The following KLF12 variants were observed in gnomAD, a reference collection of about 807,000 sequenced individuals.
KLF12 encodes Krueppel-like factor 12.
KLF12 carries 9 observed loss-of-function variants against 37.8 expected under a neutral mutation model. The ratio of observed to expected loss-of-function variants is 0.24; its 90% CI spans 0.14 to 0.42. KLF12 has a LOEUF of 0.42. Among genes scored for constraint, KLF12 ranks in the 10% least tolerant of loss-of-function variants. The pLI, the probability that KLF12 is intolerant of heterozygous loss-of-function variation, is 1.00. For missense variants in KLF12, 411 were observed against 516.0 expected (o/e 0.80, Z 1.97); for synonymous variants, 208 against 202.1 (o/e 1.03, Z -0.25).
At chr13:73,964,682 T>C (rs2875669) in intron 2 of KLF12, among the ~76,000 whole-genome samples, 127,920 of 151,172 alleles carry the variant, frequency 0.85, 54,533 homozygotes, top group Middle Eastern at 0.91. Context: ...CCCCAATTCT[T>C]TCAAAAAGGT....
At chr13:74,069,296 T>G (rs958680428) in intron 1 of KLF12, among the ~76,000 whole-genome samples, 2 of 152,170 alleles carry the variant, frequency 1.3e-5, no homozygotes, top group African/African-American at 4.8e-5. Context: ...GACTTGACTA[T>G]GCACCGATCC....
intron 5 of KLF12, among the ~76,000 whole-genome samples, chr13:73,766,029 GTCTTTCCCT>G (rs1475168500): frequency 1.2e-4 from 18 of 152,230 alleles, no homozygotes; most frequent in African/African-American, 4.3e-4. Context: ...GCCAACTGCA[GTCTTTCCCT>G]AAACCCAGAG....
chr13:73,825,017 T>C (rs1883757461), intron 4 of KLF12, among the ~76,000 whole-genome samples: 1 of 151,672 alleles, frequency 6.6e-6, no homozygotes, highest in Admixed American at 6.6e-5. Flanking sequence ...TGCAGTGCGC[T>C]GAGATTGCAC....
chr13:74,123,487 C>T (rs1219220162), intron 1 of KLF12, among the ~76,000 whole-genome samples: 1 of 152,212 alleles, frequency 6.6e-6, no homozygotes, highest in African/African-American at 2.4e-5. Flanking sequence ...CATTGTAGGA[C>T]AAAGCCCATG....
chr13:73,818,348 T>C (rs900726346), intron 4 of KLF12, among the ~76,000 whole-genome samples: 2 of 152,206 alleles, frequency 1.3e-5, no homozygotes, highest in Admixed American at 6.5e-5. Context: ...TGAGACTTGA[T>C]AGGATGCTCA....
chr13:74,128,625 G>A (rs748491268), intron 1 of KLF12, among the ~76,000 whole-genome samples: 41 of 152,306 alleles, frequency 2.7e-4, no homozygotes, highest in Admixed American at 1.3e-3. Flanking sequence ...GTGATTCAAG[G>A]ATGTATCATC....
At chr13:74,200,344 G>C in the KLF12 span, among the ~76,000 whole-genome samples, 2 of 152,148 alleles carry the variant, frequency 1.3e-5, no homozygotes, top group East Asian at 3.9e-4. Flanking sequence ...CAGTAGAACT[G>C]ACCGGCTGGG....
the KLF12 span, among the ~76,000 whole-genome samples, chr13:74,270,926 T>A: frequency 1.3e-5 from 2 of 152,102 alleles, no homozygotes; most frequent in Admixed American, 1.3e-4. Context: ...TTTGCTTAGG[T>A]TAGTTAGAAC....
chr13:74,023,224 A>C (rs1207202978), intron 1 of KLF12, among the ~76,000 whole-genome samples: 1 of 152,226 alleles, frequency 6.6e-6, no homozygotes, highest in East Asian at 1.9e-4. Flanking sequence ...GATGGTTGAA[A>C]ATGAATGTTC....
chr13:73,968,661 A>T (rs920716553), intron 2 of KLF12, among the ~76,000 whole-genome samples: 2 of 152,234 alleles, frequency 1.3e-5, no homozygotes, highest in Non-Finnish European at 2.9e-5. Flanking sequence ...GATGCTTTTG[A>T]AAACATAAGA....
chr13:73,879,628 T>C (rs1319217610), intron 3 of KLF12, among the ~76,000 whole-genome samples: 1 of 152,184 alleles, frequency 6.6e-6, no homozygotes, highest in African/African-American at 2.4e-5. Flanking sequence ...CATCATGCCT[T>C]GCAGATCAAT....
chr13:74,264,099 G>C, the KLF12 span, among the ~76,000 whole-genome samples: 14 of 152,244 alleles, frequency 9.2e-5, no homozygotes, highest in Admixed American at 2.6e-4. Flanking sequence ...GACAGACTGT[G>C]GTAAGCAATG....
chr13:73,771,783 G>C (rs1284203763), intron 5 of KLF12, among the ~76,000 whole-genome samples: 2 of 152,198 alleles, frequency 1.3e-5, no homozygotes, highest in African/African-American at 4.8e-5. Context: ...AGTTAAAACA[G>C]GGTTAGAATG....
chr13:74,210,992 A>C, the KLF12 span, among the ~76,000 whole-genome samples: 1 of 152,190 alleles, frequency 6.6e-6, no homozygotes, highest in Non-Finnish European at 1.5e-5. Flanking sequence ...CCAGTTGCAC[A>C]GTCCTGTAGC....
chr13:73,737,075 AT>A (rs1877515196), intron 6 of KLF12, among the ~76,000 whole-genome samples: 1 of 152,096 alleles, frequency 6.6e-6, no homozygotes, highest in South Asian at 2.1e-4. Context: ...TGTGCAATTT[AT>A]TTTTTTCTTC....
chr13:74,074,991 G>A (rs191710286), intron 1 of KLF12, among the ~76,000 whole-genome samples: 80 of 152,290 alleles, frequency 5.3e-4, no homozygotes, highest in Admixed American at 9.2e-4. Context: ...TATTTATTAG[G>A]CATCTTCTGC....
intron 1 of KLF12, among the ~76,000 whole-genome samples, chr13:74,006,469 C>A (rs1316338992): frequency 6.6e-6 from 1 of 152,160 alleles, no homozygotes; most frequent in East Asian, 1.9e-4. Flanking sequence ...CCACTTAAAT[C>A]TCTACTTTTT....
At chr13:74,248,097 G>A in the KLF12 span, among the ~76,000 whole-genome samples, 95 of 152,294 alleles carry the variant, frequency 6.2e-4, 2 homozygotes, top group Non-Finnish European at 4.3e-4. Flanking sequence ...TTATATTGGG[G>A]AGGAGAGCTG....
intron 3 of KLF12, among the ~76,000 whole-genome samples, chr13:73,927,847 C>G (rs1192775587): frequency 2.1e-5 from 3 of 140,236 alleles, no homozygotes; most frequent in Non-Finnish European, 4.7e-5. Context: ...CTCGGCCTCC[C>G]AAAGTGCTGG....
Sources: gnomAD v4.1 joint callset for allele counts (sites outside exome capture counted in the v4.1 genomes callset) on GRCh38, gnomAD v4.1.1 for gene constraint, MANE v1.5 for transcripts, NCBI Gene and HGNC (gene_info 2026-07-23, HGNC 2026-07-21) for gene names.